TMEM232: variants seen among roughly 807,000 people sequenced by gnomAD.
The protein encoded by TMEM232 is transmembrane protein 232.
TMEM232 carries 80 observed loss-of-function variants against 78.8 expected under a neutral mutation model. The observed-to-expected ratio is 1.01, with a 90% confidence interval of 0.85 to 1.22. The LOEUF is 1.22. Among genes scored for constraint, TMEM232 ranks in the 50% most tolerant of loss-of-function variants. The pLI, the probability that TMEM232 is intolerant of heterozygous loss-of-function variation, is 0.00. For missense variants in TMEM232, 881 were observed against 742.2 expected (o/e 1.19, Z -2.17); for synonymous variants, 297 against 254.3 (o/e 1.17, Z -1.60).
intron 3 of TMEM232, among the ~76,000 whole-genome samples, chr5:110,394,335 C>T (rs534132997): frequency 6.6e-6 from 1 of 152,280 alleles, no homozygotes; most frequent in African/African-American, 2.4e-5. Flanking sequence ...CACCAAGTTT[C>T]CTTTATGAAA....
chr5:110,627,717 C>A, intron 6 of TMEM232, 64 bp downstream of exon 6: 1 of 1,117,310 alleles, frequency 9.0e-7, no homozygotes. Flanking sequence ...TTTATAGTGA[C>A]AGTCTGAGCT....
chr5:110,684,647 C>G (rs371089609), intron 1 of TMEM232: 3 of 152,004 alleles, frequency 2.0e-5, no homozygotes, highest in African/African-American at 4.8e-5. Context: ...TATGCAACAA[C>G]AAACAACAAA....
At chr5:110,500,308 G>C (rs56392154) in intron 12 of TMEM232, among the ~76,000 whole-genome samples, 1 of 130,724 alleles carries the variant, frequency 7.6e-6, no homozygotes, top group African/African-American at 3.0e-5. Context: ...AAAAAAAAAA[G>C]AAAGAAAGAA....
At chr5:110,408,779 A>T (rs1755886533) in intron 2 of TMEM232, among the ~76,000 whole-genome samples, 1 of 152,104 alleles carries the variant, frequency 6.6e-6, no homozygotes, top group South Asian at 2.1e-4. Flanking sequence ...GTCATTAGAG[A>T]TTATTATGAA....
chr5:110,571,869 T>A (rs1776981904), intron 10 of TMEM232, among the ~76,000 whole-genome samples: 1 of 151,804 alleles, frequency 6.6e-6, no homozygotes, highest in Non-Finnish European at 1.5e-5. Flanking sequence ...TCAGATTAAA[T>A]CGTAGATGTT....
intron 12 of TMEM232, among the ~76,000 whole-genome samples, chr5:110,485,990 AT>A (rs369230459): frequency 5.4e-5 from 8 of 149,228 alleles, no homozygotes; most frequent in South Asian, 2.1e-4. Context: ...CTGTTTTTCA[AT>A]TTTTTTTTTA....
Position 110,625,271 on chromosome 5 carries a change from T to G in TMEM232, c.764A>C (p.Asp255Ala), listed in dbSNP as rs541701511. Residue 255 changes from aspartate to alanine, a missense_variant, in exon 7 of 14, where the codon GAT becomes GCT. Coordinates refer to ENST00000455884, the MANE Select transcript of TMEM232 (RefSeq NM_001039763.4). ...CCACCATACCAGATTACTCACCATA[T>G]CAGAATCTGTGTTCTCATATCTTTT... The part of the protein sequence containing the change: ...DKKRYENTDS[D>A]MGGYEINHLL... 2.0e-6 allele frequency: 3 copies of G among 1,533,966 alleles called. No individual in the cohort carries two copies. The highest frequency in any genetic ancestry group is 2.6e-6 in the Non-Finnish European group (3 of 1,138,806).
intron 12 of TMEM232, among the ~76,000 whole-genome samples, chr5:110,428,029 A>G (rs1580633991): frequency 1.3e-5 from 2 of 152,004 alleles, no homozygotes; most frequent in South Asian, 2.1e-4. Flanking sequence ...AAAATGTACA[A>G]TTAAGTTATT....
chr5:110,736,811 T>G (rs1336128915), intron 1 of TMEM232, among the ~76,000 whole-genome samples: 1 of 152,022 alleles, frequency 6.6e-6, no homozygotes, highest in Non-Finnish European at 1.5e-5. Flanking sequence ...ATCTGGCACC[T>G]AGCCTCCTTT....
At chr5:110,413,583 T>C (rs983992292) in intron 2 of TMEM232, among the ~76,000 whole-genome samples, 2 of 152,212 alleles carry the variant, frequency 1.3e-5, no homozygotes, top group Non-Finnish European at 2.9e-5. Context: ...CAAACTTATC[T>C]TTCTAATTTC....
intron 13 of TMEM232, among the ~76,000 whole-genome samples, chr5:110,421,500 C>T (rs1472293110): frequency 6.6e-6 from 1 of 151,898 alleles, no homozygotes; most frequent in Non-Finnish European, 1.5e-5. Flanking sequence ...AGATGGTGAA[C>T]ACTTTATGTT....
rs147786286 is a variant in TMEM232, at chr5:110,492,336, T to G, written c.1703+36252A>C. ...TAACAAAACATAAGTAAACTGAATA[T>G]GGTAACAATTAGGAAAATAAAACAT... On this transcript the variant is annotated intron_variant, in intron 12 of 13. Coordinates refer to ENST00000455884, the MANE Select transcript of TMEM232 (RefSeq NM_001039763.4). Among the ~76,000 whole-genome samples, 550 of 152,106 alleles carry G rather than the reference T, an allele frequency of 3.6e-3. 6 individuals are homozygous for G. The highest frequency in any genetic ancestry group is 0.013 in the African/African-American group (528 of 41,552).
Position 110,703,174 on chromosome 5 carries a change from A to C in TMEM232, c.-13+23453T>G, listed in dbSNP as rs182763040. On this transcript the variant is annotated intron_variant, in intron 1 of 13. Transcript: ENST00000455884. ...GCTATGTTTAAAAGAAATTCCATCA[A>C]AAAGGAGCTCCGTGAAACTCAAGAA... 7.2e-4 allele frequency among the ~76,000 whole-genome samples: 110 copies of C among 152,124 alleles called. 1 individual carries two copies. The highest frequency in any genetic ancestry group is 1.0e-4 in the Non-Finnish European group (7 of 67,916).
intron 1 of TMEM232, among the ~76,000 whole-genome samples, chr5:110,686,348 T>C (rs1040043876): frequency 6.6e-6 from 1 of 151,902 alleles, no homozygotes; most frequent in African/African-American, 2.4e-5. Flanking sequence ...TGGAGAGCCA[T>C]GTATAGAGGA....
At position 110,584,252 on chromosome 5, in the gene TMEM232, T is replaced by A. The variant is rs59276648; in HGVS notation, c.1277-15627A>T. The stretch of plus-strand genomic sequence containing the variant: ...AGTCAAGATACGGAAACAACCTAAA[T>A]GTCTGTTGACAGATGAATGGATAAG... On this transcript the variant is annotated intron_variant, in intron 10 of 13. Transcript: ENST00000455884. Among the ~76,000 whole-genome samples the A allele has an allele frequency of 8.5e-3, 1,293 of 151,932 alleles. 21 individuals carry two copies. The highest frequency in any genetic ancestry group is 0.03 in the African/African-American group (1,244 of 41,356).
intron 11 of TMEM232, among the ~76,000 whole-genome samples, chr5:110,544,904 T>G (rs913441667): frequency 1.3e-5 from 2 of 152,112 alleles, no homozygotes; most frequent in African/African-American, 4.8e-5. Context: ...GTCTGCACTT[T>G]ATGGTTTTAA....
At chr5:110,388,233 A>G (rs969085831) in intron 4 of TMEM232, among the ~76,000 whole-genome samples, 12 of 152,126 alleles carry the variant, frequency 7.9e-5, no homozygotes, top group Non-Finnish European at 4.4e-5. Context: ...ATGTACTGGG[A>G]AGGCTGGTCA....
intron 1 of TMEM232, among the ~76,000 whole-genome samples, chr5:110,717,531 C>A (rs1034865524): frequency 3.3e-5 from 5 of 152,094 alleles, no homozygotes; most frequent in African/African-American, 9.7e-5. Flanking sequence ...TGTCCTCTTG[C>A]CCAATGTCCT....
intron 12 of TMEM232, among the ~76,000 whole-genome samples, chr5:110,486,662 C>T (rs1764496854): frequency 6.6e-6 from 1 of 152,060 alleles, no homozygotes; most frequent in Non-Finnish European, 1.5e-5. Flanking sequence ...CTATTCTGTT[C>T]CATTGGTCTA....
Sources: gnomAD v4.1 joint callset for allele counts (sites outside exome capture counted in the v4.1 genomes callset) on GRCh38, gnomAD v4.1.1 for gene constraint, MANE v1.5 for transcripts, NCBI Gene and HGNC (gene_info 2026-07-23, HGNC 2026-07-21) for gene names.